Variants in KRT13 observed in about 807,000 individuals in gnomAD.
KRT13 encodes the protein keratin, type I cytoskeletal 13.
In KRT13, 27 loss-of-function variants were observed where a neutral mutation model predicts 40.6. The ratio of observed to expected loss-of-function variants is 0.67; its 90% CI spans 0.49 to 0.92. The LOEUF is 0.92. Among genes scored for constraint, KRT13 ranks in the 40% least tolerant of loss-of-function variants. The pLI is 0.00. For synonymous variants in KRT13, 266 were observed against 240.3 expected, an observed-to-expected ratio of 1.11 and a Z score of -0.99; for missense variants, 605 against 611.5, an observed-to-expected ratio of 0.99 and a Z score of 0.11.
At chr17:41,504,461 T>A (rs1904989701) in intron 1 of KRT13, 1 of 156,870 alleles carries the variant, frequency 6.4e-6, no homozygotes, top group Non-Finnish European at 1.4e-5. Context: ...TCCAAAGCAG[T>A]GAAAGCCTGC....
rs188713834 is a variant in KRT13 at position 41,502,288 on chromosome 17, G to T, written c.1244+86C>A. 2.2e-5 allele frequency: 36 copies of T among 1,611,518 alleles called. No individual in the cohort carries two copies. The East Asian group carries it at 7.8e-4, about 35-fold the overall frequency. On this transcript the variant is annotated intron_variant, in intron 6 of 7. Transcript: ENST00000246635. ...GTGAGGGGTCTCCTCTCTGACATGA[G>T]GGGGTGGATCTCTAAGGCCCTGCCT...
Position 41,501,298 on chromosome 17 carries a change from A to G in KRT13, c.1335T>C (p.Ser445=), listed in dbSNP as rs772942425. The change falls in exon 8 of 8, where the codon TCT becomes TCC. Residue 445 remains serine, a synonymous_variant. Transcript: ENST00000246635. ...TTSSASVTTT[S]NASGRRTSDV... is the part of the protein sequence containing the mutation. Reference sequence around the variant, plus strand: ...CAGAAGTGCGGCGACCAGAGGCATTAGAGGTGGTGGTAACAGAGGCACTAG... The same window carrying G: ...CAGAAGTGCGGCGACCAGAGGCATTGGAGGTGGTGGTAACAGAGGCACTAG... The G allele has an allele frequency of 6.3e-7, 1 of 1,576,470 alleles. No homozygotes were observed. Among genetic ancestry groups the G allele is most frequent in the East Asian group, 2.3e-5 (1 of 43,634 alleles).
rs1335559935 is a variant in KRT13, at chr17:41,501,756, G to A, written c.1245-12C>T. ...GGAAACCAATCATCCTGGGAGAGAG[G>A]ACAGAGGTGGCCATGAGCAGAGGGT... On this transcript the variant is annotated splice_polypyrimidine_tract_variant and intron_variant, in intron 6 of 7. Transcript: ENST00000246635. The A allele has an allele frequency of 1.3e-6, 2 of 1,595,042 alleles. No homozygotes were observed. Among genetic ancestry groups the A allele is most frequent in the Non-Finnish European group, 1.7e-6 (2 of 1,170,316 alleles).
Position 41,501,231 on chromosome 17 carries a change from CAGAG to C in KRT13, c.*21_*24del, listed in dbSNP as rs1461626087. ...TCTCTCCTCCTCTGGGTGCTGAAGA[CAGAG>C]GGAGGGGACGCCAGGCAGATTTAAG... On this transcript the variant is annotated 3_prime_UTR_variant, in exon 8 of 8. Coordinates refer to ENST00000246635, the MANE Select transcript of KRT13 (RefSeq NM_153490.3). 1 of 1,502,240 alleles carries C rather than the reference CAGAG, an allele frequency of 6.7e-7. No individual in the cohort carries two copies. Among genetic ancestry groups the C allele is most frequent in the African/African-American group, 1.4e-5 (1 of 72,108 alleles). 93.1% of individuals were successfully genotyped at this position (1,502,240 alleles called of 1,614,324 possible).
chr17:41,505,181 C>T lies in KRT13; in HGVS notation c.370G>A (p.Ala124Thr), dbSNP rs373485747. ...AGGTCAGCGTTGGCCTCCTCCAGGG[C>T]GCGCACCTTCTCCAGGTAGGAAGCC... ...RLASYLEKVR[A>T]LEEANADLEV... Residue 124 changes from alanine (A) to threonine (T), a missense_variant, in exon 1 of 8, where the codon GCC becomes ACC. Coordinates refer to ENST00000246635, the MANE Select transcript of KRT13 (RefSeq NM_153490.3). 35 of 1,614,074 alleles carry T rather than the reference C, an allele frequency of 2.2e-5. 1 individual carries two copies. Among genetic ancestry groups the T allele is most frequent in the Middle Eastern group, 1.6e-4 (1 of 6,084 alleles).
chr17:41,502,724 TGGAGCGTGCGCCTGAGCTCC>T lies in KRT13; in HGVS notation c.966_985del (p.Glu323ArgfsTer5). On this transcript the variant is annotated frameshift_variant, in exon 5 of 8. Transcript: ENST00000246635. LOFTEE classifies it high-confidence loss of function. ...GGACTGCAGCTCAATCTCCAGGCCTTGGAGCGTGCGCCTGAGCTCCGTGATCTCTGTCTTGCTGGTCTGAA... is the reference window on the plus strand; with the variant it reads ...GGACTGCAGCTCAATCTCCAGGCCTTGTGATCTCTGTCTTGCTGGTCTGAA... 6.2e-7 allele frequency: 1 copy of T among 1,614,200 alleles called. No individual in the cohort carries two copies. The highest frequency in any genetic ancestry group is 1.7e-5 in the Admixed American group (1 of 60,032).
At position 41,503,696 on chromosome 17, in the gene KRT13, C is replaced by A. The variant is rs1904953882; in HGVS notation, c.525G>T (p.Arg175=). ...TGGCATTGTCAATCTCCAGGATGAC[C>A]CGGTTGTTTTCAATGGTGGCGGTCA... is the stretch of plus-strand genomic sequence containing the variant. The part of the protein sequence containing the change: ...KILTATIENN[R]VILEIDNARL... Residue 175 remains arginine, a synonymous_variant, in exon 2 of 8, where the codon CGG becomes CGT. Coordinates refer to ENST00000246635, the MANE Select transcript of KRT13 (RefSeq NM_153490.3). The A allele has an allele frequency of 1.2e-6, 2 of 1,613,852 alleles. No individual in the cohort carries two copies. The highest frequency in any genetic ancestry group is 3.3e-5 in the Admixed American group (2 of 59,996).
intron 1 of KRT13, chr17:41,504,616 G>A (rs1235950831): frequency 3.3e-5 from 6 of 183,408 alleles, no homozygotes; most frequent in Non-Finnish European, 5.8e-5. Context: ...CTTGGCCATC[G>A]CCAGTTGAGA....
rs775707361 is a variant in KRT13, at chr17:41,505,323, G to T, written c.228C>A (p.Gly76=). 6.2e-7 allele frequency: 1 copy of T among 1,613,416 alleles called. No homozygotes were observed. The highest frequency in any genetic ancestry group is 1.3e-5 in the African/African-American group (1 of 74,956). The change falls in exon 1 of 8, where the codon GGC becomes GGA. Residue 76 remains glycine, a synonymous_variant. Coordinates refer to ENST00000246635, the MANE Select transcript of KRT13 (RefSeq NM_153490.3). ...AACCCCCACCAAAGCCACCTCCAAG[G>T]CCACCTCCATAGCCACCTCCAAGGC... ...GGGLGGGYGG[G]LGGGFGGGFA... is the part of the protein sequence containing the mutation.
At position 41,502,561 on chromosome 17, in the gene KRT13, C is replaced by G; in HGVS notation, c.1057G>C (p.Glu353Gln). 1.2e-6 allele frequency: 2 copies of G among 1,613,818 alleles called. No homozygotes were observed. Among genetic ancestry groups the G allele is most frequent in the Non-Finnish European group, 1.7e-6 (2 of 1,180,028 alleles). ...AGLENTVAET[E>Q]CRYALQLQQI... is the part of the protein sequence containing the mutation. ...TGCAGCTGCAGGGCATAGCGGCACTCCGTCTCTGCCACCGTGTTCTCCAGC... is the reference window on the plus strand; with the variant it reads ...TGCAGCTGCAGGGCATAGCGGCACTGCGTCTCTGCCACCGTGTTCTCCAGC... Residue 353 changes from glutamate (E) to glutamine (Q), a missense_variant, in exon 6 of 8, where the codon GAG becomes CAG. Glu to Gln is a conservative substitution (Grantham distance 29). Transcript: ENST00000246635.
intron 3 of KRT13, 66 bp downstream of exon 3, chr17:41,503,221 C>T: frequency 6.2e-7 from 1 of 1,605,876 alleles, no homozygotes; most frequent in African/African-American, 1.3e-5. Flanking sequence ...TGTCCAGTTG[C>T]AGGGGAGGGC....
chr17:41,504,153 T>G, intron 1 of KRT13: 1 of 247,314 alleles, frequency 4.0e-6, no homozygotes, highest in Non-Finnish European at 8.0e-6. Context: ...CTGCATCCCC[T>G]CCAATCGTTT....
intron 7 of KRT13, 47 bp from the exon 8 acceptor site, chr17:41,501,409 T>C (rs1304496218): frequency 4.1e-6 from 6 of 1,460,402 alleles, no homozygotes; most frequent in Non-Finnish European, 5.6e-6. Flanking sequence ...AAGACCCACC[T>C]CAGGACAGGG....
chr17:41,503,603 C>T (rs1319074357), intron 2 of KRT13, 40 bp downstream of exon 2: 1 of 1,587,550 alleles, frequency 6.3e-7, no homozygotes, highest in Non-Finnish European at 8.7e-7. Context: ...AACTAAGAGA[C>T]TCCTGGGAAA....
intron 1 of KRT13, chr17:41,504,654 A>C (rs1483098989): frequency 4.7e-6 from 1 of 212,146 alleles, no homozygotes; most frequent in Admixed American, 5.2e-5. Flanking sequence ...TCCCCTACAA[A>C]GTAAACAATT....
Position 41,502,379 on chromosome 17 carries a change from G to A in KRT13, c.1239C>T (p.Asp413=), listed in dbSNP as rs552137773. The A allele has an allele frequency of 5.7e-5, 92 of 1,614,198 alleles. No homozygotes were observed. The highest frequency in any genetic ancestry group is 2.0e-4 in the South Asian group (18 of 91,088). The change falls in exon 6 of 8, where the codon GAC becomes GAT. Residue 413 remains aspartate, a synonymous_variant. Coordinates refer to ENST00000246635, the MANE Select transcript of KRT13 (RefSeq NM_153490.3). ...AGAGGCTGGAGAGGACCTACTTGGC[G>A]TCCTGGCCCTCGAGCAGGCTGCGGT... ...ATYRSLLEGQ[D]AKMIGFPSSA...
intron 7 of KRT13, 136 bp downstream of exon 7, chr17:41,501,583 C>T: frequency 3.5e-6 from 5 of 1,444,856 alleles, no homozygotes; most frequent in African/African-American, 1.4e-5. Context: ...TGACCACTTC[C>T]ACCCCAGCTC....
At chr17:41,501,684 C>T (rs914304121) in intron 7 of KRT13, 35 bp downstream of exon 7, 38 of 1,563,520 alleles carry the variant, frequency 2.4e-5, no homozygotes, top group Non-Finnish European at 3.3e-5. Context: ...GAGGCTAACT[C>T]TGCCTCCCCC....
rs1167524561 is a variant in KRT13 at position 41,505,311 on chromosome 17, G to A, written c.240C>T (p.Gly80=). Residue 80 remains glycine (G), a synonymous_variant, in exon 1 of 8, where the codon GGC becomes GGT. Transcript: ENST00000246635. ...AGCCACCAGCAAAACCCCCACCAAA[G>A]CCACCTCCAAGGCCACCTCCATAGC... is the stretch of plus-strand genomic sequence containing the variant. The part of the protein sequence containing the change: ...GGGYGGGLGG[G]FGGGFAGGFV... The A allele has an allele frequency of 6.2e-7, 1 of 1,613,708 alleles. No individual in the cohort carries two copies. The highest frequency in any genetic ancestry group is 1.7e-5 in the Admixed American group (1 of 59,992).
Sources: allele counts gnomAD v4.1 joint callset, GRCh38; gene constraint gnomAD v4.1.1; transcripts MANE v1.5; gene names NCBI Gene and HGNC (gene_info 2026-07-23, HGNC 2026-07-21).